The following LHFPL6 variants were observed in gnomAD, a reference collection of about 807,000 sequenced individuals.
The protein encoded by LHFPL6 is LHFPL tetraspan subfamily member 6 protein.
In LHFPL6, 9 loss-of-function variants were observed where a neutral mutation model predicts 20.6. The ratio of observed to expected loss-of-function variants is 0.44; its 90% CI spans 0.26 to 0.76. The LOEUF (loss-of-function observed/expected upper bound fraction) is 0.76. Ranked by LOEUF, LHFPL6 falls within the 30% of genes least tolerant of loss-of-function variation. LHFPL6 has a pLI of 0.20. For synonymous variants in LHFPL6, 105 were observed against 98.7 expected (o/e 1.06, Z -0.38); for missense variants, 218 against 253.5 (o/e 0.86, Z 0.95).
chr13:39,557,616 G>A (rs948060289), intron 2 of LHFPL6, among the ~76,000 whole-genome samples: 1 of 152,250 alleles, frequency 6.6e-6, no homozygotes, highest in African/African-American at 2.4e-5. Context: ...GTTTTACAAC[G>A]TGAGAAGGAC....
At chr13:39,539,156 A>G (rs9576843) in intron 2 of LHFPL6, among the ~76,000 whole-genome samples, 2,123 of 152,304 alleles carry the variant, frequency 0.014, 50 homozygotes, top group East Asian at 0.094. Flanking sequence ...TGACAAATAC[A>G]GTCCTTGGCC....
chr13:39,514,806 C>T (rs929447385), intron 2 of LHFPL6, among the ~76,000 whole-genome samples: 1 of 152,158 alleles, frequency 6.6e-6, no homozygotes, highest in Non-Finnish European at 1.5e-5. Flanking sequence ...AGAAGCCAAC[C>T]AAGGACATGA....
In LHFPL6 at chr13:39,585,990, T is replaced by C. The variant is rs112783012; in HGVS notation, c.385+14842A>G. ...CTACTAGATTTTTCTCAAAAAAATATATGGGGCACCCTCACCCCATACCTT... is the reference window on the plus strand; with the variant it reads ...CTACTAGATTTTTCTCAAAAAAATACATGGGGCACCCTCACCCCATACCTT... On this transcript the variant is annotated intron_variant, in intron 2 of 3. Transcript: ENST00000379589. 3.3e-3 allele frequency among the ~76,000 whole-genome samples: 503 copies of C among 152,224 alleles called. 5 individuals carry two copies. The highest frequency in any genetic ancestry group is 0.011 in the African/African-American group (458 of 41,542).
intron 3 of LHFPL6, among the ~76,000 whole-genome samples, chr13:39,374,511 T>G (rs1870240104): frequency 6.6e-6 from 1 of 151,812 alleles, no homozygotes; most frequent in Non-Finnish European, 1.5e-5. Flanking sequence ...AACTTGCACA[T>G]GTACCCACTG....
At chr13:39,475,354 G>T (rs1048439533) in intron 2 of LHFPL6, among the ~76,000 whole-genome samples, 11 of 152,000 alleles carry the variant, frequency 7.2e-5, no homozygotes, top group African/African-American at 2.7e-4. Flanking sequence ...AAGATCAGAT[G>T]TGCTTAATAA....
At chr13:39,434,744 T>A (rs2138408341) in intron 2 of LHFPL6, among the ~76,000 whole-genome samples, 1 of 152,258 alleles carries the variant, frequency 6.6e-6, no homozygotes, top group South Asian at 2.1e-4. Context: ...CCAATGTTAC[T>A]TAAGAATATC....
chr13:39,457,039 A>G (rs1226588379), intron 2 of LHFPL6, among the ~76,000 whole-genome samples: 2 of 152,128 alleles, frequency 1.3e-5, no homozygotes, highest in Non-Finnish European at 2.9e-5. Context: ...ACCTCAAGTG[A>G]TCCGCCAGCC....
At chr13:39,400,079 G>A (rs1275566210) in intron 2 of LHFPL6, among the ~76,000 whole-genome samples, 1 of 152,010 alleles carries the variant, frequency 6.6e-6, no homozygotes, top group East Asian at 1.9e-4. Flanking sequence ...GGCAACAAGA[G>A]CAAAACTCTG....
At chr13:39,361,458 C>T (rs867402634) in intron 3 of LHFPL6, among the ~76,000 whole-genome samples, 1 of 152,086 alleles carries the variant, frequency 6.6e-6, no homozygotes, top group African/African-American at 2.4e-5. Context: ...GCTGGGACTA[C>T]AGGTGCATGC....
In LHFPL6 at chr13:39,484,435, C is replaced by T. The variant is rs897105456; in HGVS notation, c.386-105909G>A. Among the ~76,000 whole-genome samples the T allele has an allele frequency of 2.3e-4, 35 of 152,218 alleles. 1 individual carries two copies. In the East Asian group the frequency reaches 6.2e-3, roughly 27 times the overall value. The stretch of plus-strand genomic sequence containing the variant: ...GAAACCCTGGCTGAACAGAGAAACT[C>T]TTTTTTTCAATAAACATGATCCTGA... On this transcript the variant is annotated intron_variant, in intron 2 of 3. Transcript: ENST00000379589.
chr13:39,554,445 C>A (rs1871240108), intron 2 of LHFPL6, among the ~76,000 whole-genome samples: 1 of 152,218 alleles, frequency 6.6e-6, no homozygotes, highest in Non-Finnish European at 1.5e-5. Context: ...AAGTCAGACA[C>A]TTTAACAACC....
At chr13:39,456,158 C>A (rs1370535796) in intron 2 of LHFPL6, among the ~76,000 whole-genome samples, 1 of 152,178 alleles carries the variant, frequency 6.6e-6, no homozygotes, top group Non-Finnish European at 1.5e-5. Flanking sequence ...CTTAAAAGTG[C>A]CTATTAACCA....
At chr13:39,531,695 T>C (rs924068404) in intron 2 of LHFPL6, among the ~76,000 whole-genome samples, 2 of 152,138 alleles carry the variant, frequency 1.3e-5, no homozygotes, top group African/African-American at 4.8e-5. Context: ...GCCCAGATGC[T>C]GTAAAAATCT....
intron 2 of LHFPL6, among the ~76,000 whole-genome samples, chr13:39,558,795 G>T (rs948420174): frequency 6.6e-6 from 1 of 152,262 alleles, no homozygotes; most frequent in African/African-American, 2.4e-5. Flanking sequence ...TTTAGGAAGG[G>T]AAATCTATCA....
At chr13:39,353,711 G>A (rs947725697) in intron 3 of LHFPL6, among the ~76,000 whole-genome samples, 5 of 152,058 alleles carry the variant, frequency 3.3e-5, no homozygotes, top group Non-Finnish European at 5.9e-5. Flanking sequence ...CTGGGCAACA[G>A]AACAAAAAAC....
intron 2 of LHFPL6, among the ~76,000 whole-genome samples, chr13:39,533,226 T>C (rs1453885701): frequency 6.6e-6 from 1 of 152,210 alleles, no homozygotes; most frequent in East Asian, 1.9e-4. Flanking sequence ...GGTATATTTG[T>C]TAGGACACAA....
chr13:39,396,021 G>A (rs17229177), intron 2 of LHFPL6, among the ~76,000 whole-genome samples: 7,540 of 152,262 alleles, frequency 0.05, 189 homozygotes, highest in Middle Eastern at 0.071. Context: ...TGCCTGCTAT[G>A]AAGGCATAGG....
chr13:39,552,306 C>A (rs1425287313), intron 2 of LHFPL6, among the ~76,000 whole-genome samples: 2 of 152,150 alleles, frequency 1.3e-5, no homozygotes, highest in Non-Finnish European at 2.9e-5. Context: ...GAAGAACACA[C>A]ACAACCATAT....
intron 2 of LHFPL6, among the ~76,000 whole-genome samples, chr13:39,509,511 T>A (rs1424294143): frequency 6.6e-6 from 1 of 152,188 alleles, no homozygotes; most frequent in Non-Finnish European, 1.5e-5. Flanking sequence ...AGTTTTTTTT[T>A]GTATATGCCT....
Sources: allele counts gnomAD v4.1 joint callset (sites outside exome capture counted in the v4.1 genomes callset), GRCh38; gene constraint gnomAD v4.1.1; transcripts MANE v1.5; gene names NCBI Gene and HGNC (gene_info 2026-07-23, HGNC 2026-07-21).